The following AFAP1 variants were observed in gnomAD, a reference collection of about 807,000 sequenced individuals.
The protein encoded by AFAP1 is actin filament-associated protein 1.
In AFAP1, 75 loss-of-function variants were observed where a neutral mutation model predicts 93.9. That is an observed-to-expected ratio of 0.80 (90% CI 0.66 to 0.97). The LOEUF (loss-of-function observed/expected upper bound fraction) is 0.97, where lower values mean the gene tolerates loss of function less well. AFAP1 is among the 50% of genes least tolerant of loss of function. AFAP1 has a pLI of 0.00. For missense variants in AFAP1, 1,201 were observed against 1,050.8 expected (o/e 1.14, Z -1.98); for synonymous variants, 517 against 430.7 (o/e 1.20, Z -2.48).
intron 1 of AFAP1, among the ~76,000 whole-genome samples, chr4:7,900,316 A>G (rs1719045560): frequency 1.0e-5 from 1 of 99,944 alleles, no homozygotes; most frequent in South Asian, 3.1e-4. Context: ...CATTTAGCCA[A>G]TTGTTCCTTT....
rs1429235271 is a variant in AFAP1, at chr4:7,809,507, G to T, written c.1054+107C>A. The T allele has an allele frequency of 8.3e-6, 11 of 1,320,212 alleles. No homozygotes were observed. The Admixed American group carries it at 1.9e-4, about 23-fold the overall frequency. 81.8% of individuals were successfully genotyped at this position (1,320,212 alleles called of 1,614,324 possible). A position where few individuals can be genotyped will look rare whatever the true frequency, so the allele number is the denominator to read the frequency against. ...GAATGATTCCAAGTCCAATGCAAAA[G>T]AGCTCAAATTAACGAGCCTTGGATG... On this transcript the variant is annotated intron_variant, in intron 9 of 17. Coordinates refer to ENST00000420658, the MANE Select transcript of AFAP1 (RefSeq NM_001134647.2).
chr4:7,885,365 C>T (rs1470863863), intron 1 of AFAP1, among the ~76,000 whole-genome samples: 3 of 152,172 alleles, frequency 2.0e-5, no homozygotes, highest in South Asian at 4.1e-4. Context: ...TGTGTCCCTG[C>T]GTCGTCCCAC....
At chr4:7,911,002 T>C (rs908645666) in intron 1 of AFAP1, among the ~76,000 whole-genome samples, 1 of 151,812 alleles carries the variant, frequency 6.6e-6, no homozygotes, top group African/African-American at 2.4e-5. Flanking sequence ...GACCCAGCAT[T>C]CCCCAGAAAG....
chr4:7,816,172 A>C, intron 7 of AFAP1, 73 bp from the exon 8 acceptor site: 1 of 1,274,384 alleles, frequency 7.8e-7, no homozygotes. Context: ...GGATCAACCA[A>C]AAGTTATCTC....
chr4:7,841,822 AG>A lies in AFAP1; in HGVS notation c.546+1316del, dbSNP rs146178769. On this transcript the variant is annotated intron_variant, in intron 5 of 17. Coordinates refer to ENST00000420658, the MANE Select transcript of AFAP1 (RefSeq NM_001134647.2). ...GTAGGTATTATCATCCTGGTTTTGA[AG>A]GGGGAAAGCTGGCAGGGGCCCAAAT... Among the ~76,000 whole-genome samples, 773 of 149,396 alleles carry A rather than the reference AG, an allele frequency of 5.2e-3. 7 individuals are homozygous for A. Among genetic ancestry groups the A allele is most frequent in the African/African-American group, 0.018 (731 of 40,492 alleles).
chr4:7,779,733 T>C (rs1247192638), intron 13 of AFAP1, among the ~76,000 whole-genome samples: 2 of 152,190 alleles, frequency 1.3e-5, no homozygotes, highest in South Asian at 2.1e-4. Flanking sequence ...CATTTGATCA[T>C]TTAAAAACAT....
rs759602051 is a variant in AFAP1, at chr4:7,939,845, C to T, written c.-192G>A. 7.3e-6 allele frequency: 2 copies of T among 275,362 alleles called. No homozygotes were observed. The highest frequency in any genetic ancestry group is 5.9e-5 in the South Asian group (2 of 33,800). 17.1% of individuals were successfully genotyped at this position (275,362 alleles called of 1,614,324 possible). A position where few individuals can be genotyped will look rare whatever the true frequency, so the allele number is the denominator to read the frequency against. ...TCGCGGAGCTGCAGCCGGCGTGGGG[C>T]TGCGGCCGGGACAGACACCACGCAG... On this transcript the variant is annotated 5_prime_UTR_variant, in exon 1 of 18. Coordinates refer to ENST00000420658, the MANE Select transcript of AFAP1 (RefSeq NM_001134647.2). This position sits in a 1 kb window ranked among gnomAD's most constrained non-coding sequence, Gnocchi z 5.6.
In AFAP1 at chr4:7,840,309, T is replaced by G. The variant is rs750712056; in HGVS notation, c.547-1606A>C. ...GTGTTCCTGGTTTGTTTTTGGGGTG[T>G]GTGTGTGTGTGTGTGTGTGTTTGAG... On this transcript the variant is annotated intron_variant, in intron 5 of 17. Coordinates refer to ENST00000420658, the MANE Select transcript of AFAP1 (RefSeq NM_001134647.2). Among the ~76,000 whole-genome samples the G allele has an allele frequency of 4.7e-4, 30 of 63,748 alleles. No homozygotes were observed. In the East Asian group the frequency reaches 8.6e-3, roughly 18 times the overall value. The allele number at this position is 63,748 out of a possible 152,430, so 41.8% of individuals were successfully genotyped here. A position where few individuals can be genotyped will look rare whatever the true frequency, so the allele number is the denominator to read the frequency against.
At chr4:7,869,481 T>C (rs752613580) in intron 2 of AFAP1, among the ~76,000 whole-genome samples, 3 of 152,222 alleles carry the variant, frequency 2.0e-5, no homozygotes, top group Admixed American at 6.5e-5. Flanking sequence ...ATAGACATAC[T>C]GTATGGAAGA....
chr4:7,856,642 C>G (rs1173939176), intron 3 of AFAP1, among the ~76,000 whole-genome samples: 1 of 152,208 alleles, frequency 6.6e-6, no homozygotes, highest in Non-Finnish European at 1.5e-5. Flanking sequence ...CGCCTCGGGA[C>G]AACCTACGTC....
intron 1 of AFAP1, among the ~76,000 whole-genome samples, chr4:7,911,229 C>A (rs889946200): frequency 3.3e-5 from 5 of 152,196 alleles, no homozygotes; most frequent in Non-Finnish European, 7.3e-5. Context: ...CCACTCCCTG[C>A]ATTCCTGTCC....
At chr4:7,893,091 G>A (rs77115479) in intron 1 of AFAP1, among the ~76,000 whole-genome samples, 7 of 119,372 alleles carry the variant, frequency 5.9e-5, no homozygotes, top group Non-Finnish European at 1.2e-4. Context: ...CCCCGGTGCC[G>A]GGGGGGCAGA....
chr4:7,769,094 G>C (rs1324446954), intron 16 of AFAP1, 86 bp from the exon 17 acceptor site: 2 of 1,476,924 alleles, frequency 1.4e-6, no homozygotes, highest in Non-Finnish European at 1.8e-6. Flanking sequence ...TTTCAAGGAA[G>C]AAATAAGTTT....
At chr4:7,858,355 C>G (rs373739342) in intron 3 of AFAP1, among the ~76,000 whole-genome samples, 1 of 152,184 alleles carries the variant, frequency 6.6e-6, no homozygotes, top group Admixed American at 6.5e-5. Flanking sequence ...ACTACTTTCA[C>G]TTTGAAATAA....
In AFAP1 at chr4:7,763,490, G is replaced by A. The variant is rs769526420; in HGVS notation, c.*275C>T. ...TATCTGGTTAGAAAGATGTCACTTC[G>A]CCTGATAGCATCCTTTCAAACACCT... On this transcript the variant is annotated 3_prime_UTR_variant, in exon 18 of 18. Transcript: ENST00000420658. The A allele has an allele frequency of 2.5e-5, 12 of 483,136 alleles. No individual in the cohort carries two copies. Among genetic ancestry groups the A allele is most frequent in the Non-Finnish European group, 4.4e-5 (12 of 272,654 alleles). 29.9% of individuals were successfully genotyped at this position (483,136 alleles called of 1,614,324 possible).
chr4:7,807,277 G>A (rs1719603059), intron 9 of AFAP1, among the ~76,000 whole-genome samples: 2 of 152,164 alleles, frequency 1.3e-5, no homozygotes, highest in East Asian at 3.9e-4. Context: ...CATAACTCCT[G>A]TATTGAATCC....
At chr4:7,876,406 A>G (rs1213544286) in intron 1 of AFAP1, among the ~76,000 whole-genome samples, 1 of 152,238 alleles carries the variant, frequency 6.6e-6, no homozygotes, top group African/African-American at 2.4e-5. Flanking sequence ...AAGACAGTCA[A>G]TCAGATCTTC....
intron 1 of AFAP1, among the ~76,000 whole-genome samples, chr4:7,893,201 T>C (rs960570351): frequency 2.0e-5 from 3 of 152,144 alleles, no homozygotes; most frequent in Admixed American, 6.5e-5. Context: ...AGGAAAATCA[T>C]GTTGAATCAT....
chr4:7,856,076 G>A (rs1202230889), intron 3 of AFAP1, among the ~76,000 whole-genome samples: 1 of 152,168 alleles, frequency 6.6e-6, no homozygotes, highest in East Asian at 1.9e-4. Flanking sequence ...GTGAGTTGGT[G>A]AGCCACACTG....
Sources: gnomAD v4.1 joint callset for allele counts (sites outside exome capture counted in the v4.1 genomes callset) on GRCh38, gnomAD v4.1.1 for gene constraint, Gnocchi (gnomAD v3.1) non-coding constraint, MANE v1.5 for transcripts, NCBI Gene and HGNC (gene_info 2026-07-23, HGNC 2026-07-21) for gene names.